KCNT2: variants seen among roughly 807,000 people sequenced by gnomAD.
KCNT2 encodes potassium channel subfamily T member 2.
In KCNT2, 67 loss-of-function variants were observed where a neutral mutation model predicts 153.8. The observed-to-expected ratio is 0.44, with a 90% confidence interval of 0.36 to 0.53. The LOEUF (loss-of-function observed/expected upper bound fraction) is 0.53. Ranked by LOEUF, KCNT2 falls within the 20% of genes least tolerant of loss-of-function variation. The pLI is 0.00. For missense variants in KCNT2, 975 were observed against 1,354.8 expected, an observed-to-expected ratio of 0.72 and a Z score of 4.40; for synonymous variants, 500 against 458.8, an observed-to-expected ratio of 1.09 and a Z score of -1.15.
chr1:196,560,112 T>G (rs555746100), intron 1 of KCNT2, among the ~76,000 whole-genome samples: 1 of 152,024 alleles, frequency 6.6e-6, no homozygotes, highest in Non-Finnish European at 1.5e-5. Context: ...AATGCTTGCT[T>G]TGCATCCAGA....
At chr1:196,575,610 TATA>T (rs1321202962) in intron 1 of KCNT2, among the ~76,000 whole-genome samples, 3 of 149,802 alleles carry the variant, frequency 2.0e-5, no homozygotes, top group African/African-American at 7.3e-5. Flanking sequence ...TAAATATAGA[TATA>T]ATAAATAATA....
intron 7 of KCNT2, among the ~76,000 whole-genome samples, chr1:196,467,411 A>T (rs1470640058): frequency 6.7e-6 from 1 of 150,330 alleles, no homozygotes; most frequent in Non-Finnish European, 1.5e-5. Context: ...TACACTATGC[A>T]TCACTTTAAC....
chr1:196,540,371 G>A (rs1032730540), intron 1 of KCNT2, among the ~76,000 whole-genome samples: 1 of 152,064 alleles, frequency 6.6e-6, no homozygotes, highest in Admixed American at 6.6e-5. Context: ...CATGTTTGGG[G>A]AAAAAAGAAA....
At chr1:196,375,134 A>G (rs1204068520) in intron 13 of KCNT2, among the ~76,000 whole-genome samples, 1 of 151,832 alleles carries the variant, frequency 6.6e-6, no homozygotes, top group Non-Finnish European at 1.5e-5. Flanking sequence ...AAATGTGTGC[A>G]TCTGAGTTTG....
chr1:196,589,775 C>T (rs1231679365), intron 1 of KCNT2, among the ~76,000 whole-genome samples: 1 of 151,938 alleles, frequency 6.6e-6, no homozygotes, highest in Non-Finnish European at 1.5e-5. Context: ...TTTGAACCTA[C>T]AGTCTATCAT....
intron 1 of KCNT2, among the ~76,000 whole-genome samples, chr1:196,531,100 A>G (rs1247747356): frequency 6.6e-6 from 1 of 152,006 alleles, no homozygotes; most frequent in Non-Finnish European, 1.5e-5. Flanking sequence ...TAATATTCTC[A>G]TAACTTTTAT....
chr1:196,294,363 A>G (rs1375186862), intron 22 of KCNT2, among the ~76,000 whole-genome samples: 2 of 151,834 alleles, frequency 1.3e-5, no homozygotes, highest in African/African-American at 2.4e-5. Context: ...GCAACCTCCA[A>G]CTCCCTGGTT....
intron 22 of KCNT2, among the ~76,000 whole-genome samples, chr1:196,293,900 A>G (rs147132259): frequency 1.1e-3 from 160 of 152,166 alleles, no homozygotes; most frequent in Middle Eastern, 3.4e-3. Flanking sequence ...AAAACAATTA[A>G]TGGAACGAAC....
chr1:196,396,102 C>T (rs917654689), intron 13 of KCNT2, among the ~76,000 whole-genome samples: 2 of 151,558 alleles, frequency 1.3e-5, no homozygotes, highest in African/African-American at 2.4e-5. Context: ...CTTGGGTTGG[C>T]TGGTAAGTAA....
At chr1:196,266,226 C>T (rs1480909220) in intron 25 of KCNT2, among the ~76,000 whole-genome samples, 1 of 152,140 alleles carries the variant, frequency 6.6e-6, no homozygotes, top group African/African-American at 2.4e-5. Context: ...GAGACGCACC[C>T]ATTGGCAAAA....
intron 14 of KCNT2, among the ~76,000 whole-genome samples, chr1:196,357,344 T>C (rs1472649710): frequency 1.3e-5 from 2 of 151,994 alleles, no homozygotes. Flanking sequence ...TGACTACTTA[T>C]TGCTCTATAT....
chr1:196,571,686 G>A (rs937101482), intron 1 of KCNT2, among the ~76,000 whole-genome samples: 4 of 151,980 alleles, frequency 2.6e-5, no homozygotes, highest in African/African-American at 4.8e-5. Context: ...TACAAATTCA[G>A]GGGAAGATAT....
Position 196,272,121 on chromosome 1 carries a change from T to C in KCNT2, c.2910+8739A>G, listed in dbSNP as rs564950798. 7.2e-5 allele frequency among the ~76,000 whole-genome samples: 11 copies of C among 152,052 alleles called. No homozygotes were observed. In the South Asian group the frequency reaches 2.3e-3, roughly 31 times the overall value. ...CAGCTAGTAAAAGGAGAGGGCAAGA[T>C]TTAAACTCAGATCATTGTGTTCCAA... On this transcript the variant is annotated intron_variant, in intron 25 of 27. Coordinates refer to ENST00000294725, the MANE Select transcript of KCNT2 (RefSeq NM_198503.5).
chr1:196,570,693 AT>A (rs1257806077), intron 1 of KCNT2, among the ~76,000 whole-genome samples: 1 of 152,050 alleles, frequency 6.6e-6, no homozygotes, highest in Non-Finnish European at 1.5e-5. Context: ...AAAGAACATA[AT>A]GGGGATGCCT....
At chr1:196,395,688 G>A (rs1670877553) in intron 13 of KCNT2, among the ~76,000 whole-genome samples, 1 of 151,522 alleles carries the variant, frequency 6.6e-6, no homozygotes, top group Non-Finnish European at 1.5e-5. Flanking sequence ...ACCATGAAAT[G>A]TCTCACTCCA....
At chr1:196,563,195 G>C (rs1360922456) in intron 1 of KCNT2, among the ~76,000 whole-genome samples, 1 of 151,960 alleles carries the variant, frequency 6.6e-6, no homozygotes, top group Non-Finnish European at 1.5e-5. Context: ...AAGAAAGACA[G>C]AGTATTTTTT....
intron 1 of KCNT2, among the ~76,000 whole-genome samples, chr1:196,589,977 T>TA: frequency 6.6e-6 from 1 of 152,262 alleles, no homozygotes; most frequent in East Asian, 1.9e-4. Context: ...ATTGTTGTTT[T>TA]AAAAATAGTG....
intron 5 of KCNT2, among the ~76,000 whole-genome samples, chr1:196,477,767 T>C (rs12760971): frequency 6.6e-6 from 1 of 152,194 alleles, no homozygotes; most frequent in South Asian, 2.1e-4. Flanking sequence ...TCCCTGATTG[T>C]TCTATTATTC....
At chr1:196,482,635 T>G (rs940918763) in intron 3 of KCNT2, among the ~76,000 whole-genome samples, 1 of 152,140 alleles carries the variant, frequency 6.6e-6, no homozygotes, top group Non-Finnish European at 1.5e-5. Context: ...AAGAATGATA[T>G]GGCAGGGCAG....
Sources: gnomAD v4.1 joint callset for allele counts (sites outside exome capture counted in the v4.1 genomes callset) on GRCh38, gnomAD v4.1.1 for gene constraint, MANE v1.5 for transcripts, NCBI Gene and HGNC (gene_info 2026-07-23, HGNC 2026-07-21) for gene names.